Variants in RAPGEF5 observed in about 807,000 individuals in gnomAD.
The protein encoded by RAPGEF5 is M-Ras-regulated GEF.
A neutral mutation model predicts 125.2 loss-of-function variants in RAPGEF5; 65 were observed. The observed-to-expected ratio is 0.52, with a 90% CI of 0.43 to 0.64. RAPGEF5 has a LOEUF of 0.64. Ranked by LOEUF, RAPGEF5 falls within the 30% of genes least tolerant of loss-of-function variation. The pLI, the probability that RAPGEF5 is intolerant of heterozygous loss-of-function variation, is 0.00. For missense variants in RAPGEF5, 958 were observed against 1,048.1 expected (o/e 0.91, Z 1.19); for synonymous variants, 391 against 385.9 (o/e 1.01, Z -0.16).
intron 25 of RAPGEF5, 164 bp downstream of exon 25, chr7:22,125,440 G>A (rs1782707786): frequency 3.3e-6 from 2 of 610,318 alleles, no homozygotes; most frequent in South Asian, 2.1e-5. Flanking sequence ...CCAACATGCA[G>A]TGAGGAAACA....
At chr7:22,156,980 C>T (rs937827615) in intron 15 of RAPGEF5, 92 bp from the exon 16 acceptor site, 2 of 1,526,042 alleles carry the variant, frequency 1.3e-6, no homozygotes, top group South Asian at 2.5e-5. Context: ...AAGAACTAGC[C>T]AAATTTTTTT....
chr7:22,144,346 C>G (rs1182995861), intron 20 of RAPGEF5, among the ~76,000 whole-genome samples: 4 of 152,158 alleles, frequency 2.6e-5, no homozygotes, highest in African/African-American at 9.7e-5. Flanking sequence ...AAAAGTATAT[C>G]TGTGCAGAGG....
At chr7:22,331,959 ATTCTAGGGTAAAAACATTATATCC>A (rs1466675210) in intron 1 of RAPGEF5, among the ~76,000 whole-genome samples, 1 of 152,164 alleles carries the variant, frequency 6.6e-6, no homozygotes, top group Non-Finnish European at 1.5e-5. Context: ...TATTGTTAAA[ATTCTAGGGTAAAAACATTATATCC>A]TTCCAGCTTG....
intron 8 of RAPGEF5, among the ~76,000 whole-genome samples, chr7:22,229,057 CAA>C (rs1785993368): frequency 6.6e-6 from 1 of 152,076 alleles, no homozygotes; most frequent in Admixed American, 6.6e-5. Context: ...ACCATGGGGA[CAA>C]AGACTTAGGC....
At chr7:22,343,861 A>G (rs1784173686) in intron 1 of RAPGEF5, among the ~76,000 whole-genome samples, 2 of 152,156 alleles carry the variant, frequency 1.3e-5, no homozygotes, top group Non-Finnish European at 2.9e-5. Flanking sequence ...TAAAGGTTTT[A>G]TAATTCCTGC....
At chr7:22,169,675 C>T (rs1205799340) in intron 11 of RAPGEF5, among the ~76,000 whole-genome samples, 2 of 138,576 alleles carry the variant, frequency 1.4e-5, no homozygotes, top group African/African-American at 2.8e-5. Flanking sequence ...GCCAACATTG[C>T]GAAACTCCAT....
rs1008087190 is a variant in RAPGEF5 at position 22,125,519 on chromosome 7, A to C, written c.2536+85T>G. 9.0e-5 allele frequency: 117 copies of C among 1,294,084 alleles called. No homozygotes were observed. Among genetic ancestry groups the C allele is most frequent in the Non-Finnish European group, 1.2e-4 (110 of 889,890 alleles). 80.2% of individuals were successfully genotyped at this position (1,294,084 alleles called of 1,614,324 possible). A position where few individuals can be genotyped will look rare whatever the true frequency, so the allele number is the denominator to read the frequency against. ...CATATGATACTTTTCAATCTGTTTA[A>C]ATTGATTACCACCCAATACTTGTGA... On this transcript the variant is annotated intron_variant, in intron 25 of 25. Transcript: ENST00000665637.
At chr7:22,160,671 T>C in intron 13 of RAPGEF5, 56 bp from the exon 14 acceptor site, 4 of 1,472,458 alleles carry the variant, frequency 2.7e-6, no homozygotes, top group Non-Finnish European at 3.6e-6. Context: ...TTGTAGGGAT[T>C]AAGACTCATA....
intron 5 of RAPGEF5, among the ~76,000 whole-genome samples, chr7:22,295,292 G>A (rs1461112833): frequency 5.9e-5 from 9 of 152,090 alleles, no homozygotes; most frequent in Admixed American, 5.9e-4. Flanking sequence ...TAGAAAAAAT[G>A]TACTAAAAGG....
intron 23 of RAPGEF5, among the ~76,000 whole-genome samples, chr7:22,131,871 G>C (rs1782924602): frequency 6.6e-6 from 1 of 152,146 alleles, no homozygotes; most frequent in African/African-American, 2.4e-5. Flanking sequence ...TTGGAAATTA[G>C]TTACATTAAA....
intron 6 of RAPGEF5, among the ~76,000 whole-genome samples, chr7:22,288,415 C>T (rs918332257): frequency 6.6e-6 from 1 of 152,192 alleles, no homozygotes; most frequent in African/African-American, 2.4e-5. Flanking sequence ...TACTCAACTT[C>T]CTAAGAATAT....
intron 17 of RAPGEF5, among the ~76,000 whole-genome samples, chr7:22,151,458 CTTTTTTTTTTTTT>C (rs10609080): frequency 9.1e-6 from 1 of 109,932 alleles, no homozygotes; most frequent in East Asian, 2.9e-4. Context: ...CTGATCATTA[CTTTTTTTTTTTTT>C]TTTTTTTTGA....
chr7:22,312,179 G>GT (rs1276815989), intron 3 of RAPGEF5, among the ~76,000 whole-genome samples: 1 of 152,016 alleles, frequency 6.6e-6, no homozygotes, highest in African/African-American at 2.4e-5. Flanking sequence ...TTCTGATGCG[G>GT]TAAGACTGGG....
intron 11 of RAPGEF5, among the ~76,000 whole-genome samples, chr7:22,176,387 A>G (rs1186721282): frequency 1.3e-5 from 2 of 152,194 alleles, no homozygotes; most frequent in African/African-American, 2.4e-5. Flanking sequence ...TTTTCTTCCA[A>G]GTTTAGCAAT....
intron 5 of RAPGEF5, among the ~76,000 whole-genome samples, chr7:22,302,374 C>A (rs189903644): frequency 2.0e-5 from 3 of 152,126 alleles, no homozygotes; most frequent in African/African-American, 4.8e-5. Context: ...GTCAGCAATG[C>A]CAACAGACAT....
intron 3 of RAPGEF5, among the ~76,000 whole-genome samples, chr7:22,313,611 A>G (rs1783522845): frequency 6.6e-6 from 1 of 152,146 alleles, no homozygotes; most frequent in Non-Finnish European, 1.5e-5. Context: ...TTTTCCATGA[A>G]CCTGATTAAT....
chr7:22,308,556 CA>C, intron 4 of RAPGEF5, 49 bp from the exon 5 acceptor site: 1 of 1,356,854 alleles, frequency 7.4e-7, no homozygotes, highest in African/African-American at 1.5e-5. Context: ...AGATATTACT[CA>C]GAGAGTAATA....
At chr7:22,146,815 A>G in intron 19 of RAPGEF5, 82 bp downstream of exon 19, 1 of 1,449,234 alleles carries the variant, frequency 6.9e-7, no homozygotes, top group Non-Finnish European at 9.2e-7. Flanking sequence ...GCATAATTTC[A>G]TCACCGCACG....
intron 7 of RAPGEF5, among the ~76,000 whole-genome samples, chr7:22,236,947 C>T (rs1394796081): frequency 6.6e-6 from 1 of 152,216 alleles, no homozygotes; most frequent in East Asian, 1.9e-4. Context: ...CAGGTGGAAG[C>T]CCTCAACCTG....
Sources: gnomAD v4.1 joint callset for allele counts (sites outside exome capture counted in the v4.1 genomes callset) on GRCh38, gnomAD v4.1.1 for gene constraint, MANE v1.5 for transcripts, NCBI Gene and HGNC (gene_info 2026-07-23, HGNC 2026-07-21) for gene names.